The following MYO16 variants were observed in gnomAD, a reference collection of about 807,000 sequenced individuals.
MYO16 encodes myosin XVI, also known as unconventional myosin-XVI.
MYO16 carries 94 observed loss-of-function variants against 205.3 expected under a neutral mutation model. The observed-to-expected ratio is 0.46, with a 90% CI of 0.39 to 0.54. The LOEUF (loss-of-function observed/expected upper bound fraction) is 0.54. MYO16 is among the 20% of genes least tolerant of loss of function. The pLI is 0.00. For synonymous variants in MYO16, 988 were observed against 954.0 expected, an observed-to-expected ratio of 1.04 and a Z score of -0.66; for missense variants, 2,315 against 2,387.5, an observed-to-expected ratio of 0.97 and a Z score of 0.63.
chr13:108,534,971 TCTC>T, the MYO16 span, among the ~76,000 whole-genome samples: 3,318 of 150,044 alleles, frequency 0.022, 108 homozygotes, highest in South Asian at 0.081. Context: ...TCTTCTTTCT[TCTC>T]CTCTTTCTTC....
In MYO16 at chr13:109,060,732, T is replaced by G. The variant is rs374086820; in HGVS notation, c.3335+5137T>G. On this transcript the variant is annotated intron_variant, in intron 27 of 34. Coordinates refer to ENST00000457511, the MANE Select transcript of MYO16 (RefSeq NM_001198950.3). ...CAAAGGGAGGGTAGACTTAGCATAA[T>G]TCTTGAAGGCCCTAGGATTTTTGGA... Among the ~76,000 whole-genome samples, 6 of 152,276 alleles carry G rather than the reference T, an allele frequency of 3.9e-5. No individual in the cohort carries two copies. In the East Asian group the frequency reaches 1.2e-3, roughly 29 times the overall value.
chr13:108,767,608 TGAAA>T (rs1885824934), intron 4 of MYO16, among the ~76,000 whole-genome samples: 11 of 152,228 alleles, frequency 7.2e-5, no homozygotes, highest in African/African-American at 2.4e-4. Flanking sequence ...TGCCTTTAAT[TGAAA>T]TTATGTTATT....
rs74117281 is a variant in MYO16, at chr13:108,610,895, T to C, written c.-39+14656T>C. ...GTGTTAGTGCTCTTTTTCCTCTGGA[T>C]AGATAAGTCTACCGGAAGTTCATTT... On this transcript the variant is annotated intron_variant, in intron 1 of 24. Coordinates refer to the MYO16 transcript ENST00000251041. Among the ~76,000 whole-genome samples the C allele has an allele frequency of 5.3e-3, 805 of 152,312 alleles. 12 individuals are homozygous for C. Among genetic ancestry groups the C allele is most frequent in the African/African-American group, 0.019 (776 of 41,586 alleles).
chr13:108,823,082 A>C, intron 8 of MYO16, 43 bp from the exon 9 acceptor site: 1 of 1,540,490 alleles, frequency 6.5e-7, no homozygotes, highest in Non-Finnish European at 8.9e-7. Context: ...ATGTGCTATC[A>C]CCACCCATCA....
the MYO16 span, among the ~76,000 whole-genome samples, chr13:108,521,758 T>A: frequency 6.6e-6 from 1 of 152,012 alleles, no homozygotes; most frequent in Non-Finnish European, 1.5e-5. Flanking sequence ...TTTTCTTTCC[T>A]GTGACTAGTC....
the MYO16 span, among the ~76,000 whole-genome samples, chr13:108,579,708 C>T: frequency 6.6e-6 from 1 of 152,012 alleles, no homozygotes; most frequent in Admixed American, 6.6e-5. Flanking sequence ...CAAAGTGCTG[C>T]GATACAGGTG....
intron 16 of MYO16, among the ~76,000 whole-genome samples, chr13:108,912,692 A>G (rs760404725): frequency 5.9e-5 from 9 of 151,946 alleles, no homozygotes; most frequent in Non-Finnish European, 1.2e-4. Context: ...ACCTAACTGG[A>G]TTCTGGGGAT....
chr13:108,726,595 C>T (rs1308293634), intron 3 of MYO16, among the ~76,000 whole-genome samples: 2 of 150,790 alleles, frequency 1.3e-5, no homozygotes, highest in Non-Finnish European at 3.0e-5. Context: ...GAAAAATACT[C>T]ATAAAAGGAC....
At chr13:108,543,802 A>G in the MYO16 span, among the ~76,000 whole-genome samples, 4 of 143,868 alleles carry the variant, frequency 2.8e-5, no homozygotes, top group African/African-American at 7.8e-5. Context: ...ATGGTGGCTC[A>G]CACTTGTAAT....
the MYO16 span, among the ~76,000 whole-genome samples, chr13:108,509,683 A>T: frequency 6.6e-6 from 1 of 152,202 alleles, no homozygotes; most frequent in Non-Finnish European, 1.5e-5. Context: ...GCATTAGAAG[A>T]TATACCTAAT....
chr13:109,197,561 G>A (rs1362336960), intron 34 of MYO16, among the ~76,000 whole-genome samples: 1 of 152,042 alleles, frequency 6.6e-6, no homozygotes, highest in Non-Finnish European at 1.5e-5. Flanking sequence ...ACTCATTTTA[G>A]GCTCCAAGGA....
intron 16 of MYO16, among the ~76,000 whole-genome samples, chr13:108,956,822 T>C (rs1556810): frequency 0.57 from 86,788 of 151,828 alleles, 26,817 homozygotes; most frequent in South Asian, 0.81. Context: ...CTCTCTGATT[T>C]TACCTCCCTT....
At chr13:108,698,477 C>T (rs1424947443) in intron 2 of MYO16, among the ~76,000 whole-genome samples, 2 of 152,140 alleles carry the variant, frequency 1.3e-5, no homozygotes, top group East Asian at 3.9e-4. Flanking sequence ...TCAAATCTCA[C>T]ATCAGACAAA....
chr13:109,058,175 C>A (rs995440366), intron 27 of MYO16, among the ~76,000 whole-genome samples: 4 of 152,116 alleles, frequency 2.6e-5, no homozygotes, highest in Non-Finnish European at 5.9e-5. Context: ...GAACCCCTGG[C>A]ATGGAATCTC....
At chr13:109,072,390 C>T (rs1424582094) in intron 27 of MYO16, among the ~76,000 whole-genome samples, 1 of 152,066 alleles carries the variant, frequency 6.6e-6, no homozygotes, top group African/African-American at 2.4e-5. Flanking sequence ...GTGATATTTA[C>T]AAGCATCCCA....
chr13:108,909,904 A>G, intron 15 of MYO16, 99 bp from the exon 16 acceptor site: 7 of 1,262,244 alleles, frequency 5.5e-6, no homozygotes, highest in Non-Finnish European at 7.7e-6. Flanking sequence ...GGAGAACTCA[A>G]CAGTCCTTGT....
chr13:108,620,674 G>A (rs115873790), intron 1 of MYO16, among the ~76,000 whole-genome samples: 397 of 152,326 alleles, frequency 2.6e-3, no homozygotes, highest in African/African-American at 9.0e-3. Context: ...GGAAGAGGAG[G>A]ACTCACCTTT....
At chr13:109,112,827 T>G (rs1889331151) in intron 28 of MYO16, among the ~76,000 whole-genome samples, 1 of 152,250 alleles carries the variant, frequency 6.6e-6, no homozygotes, top group African/African-American at 2.4e-5. Flanking sequence ...AAAGCATTTT[T>G]TAAAATTCTG....
At chr13:108,842,376 A>G (rs1446063789) in intron 9 of MYO16, among the ~76,000 whole-genome samples, 1 of 152,172 alleles carries the variant, frequency 6.6e-6, no homozygotes, top group African/African-American at 2.4e-5. Context: ...GATAAGGGGT[A>G]AATATCTAAA....
Sources: gnomAD v4.1 joint callset for allele counts (sites outside exome capture counted in the v4.1 genomes callset) on GRCh38, gnomAD v4.1.1 for gene constraint, MANE v1.5 for transcripts, NCBI Gene and HGNC (gene_info 2026-07-23, HGNC 2026-07-21) for gene names.